Variants in RAB11FIP2 observed in about 807,000 individuals in gnomAD.
RAB11FIP2 encodes the protein rab11 family-interacting protein 2.
In RAB11FIP2, 16 loss-of-function variants were observed where a neutral mutation model predicts 40.9. The observed-to-expected ratio is 0.39, with a 90% CI of 0.26 to 0.59. The LOEUF (loss-of-function observed/expected upper bound fraction) is 0.59. Ranked by LOEUF, RAB11FIP2 falls within the 20% of genes least tolerant of loss-of-function variation. The pLI, the probability that RAB11FIP2 is intolerant of heterozygous loss-of-function variation, is 0.53. For synonymous variants in RAB11FIP2, 228 were observed against 213.7 expected (o/e 1.07, Z -0.58); for missense variants, 532 against 606.2 (o/e 0.88, Z 1.28).
chr10:118,022,243 TG>T, intron 3 of RAB11FIP2, among the ~76,000 whole-genome samples: 1 of 152,338 alleles, frequency 6.6e-6, no homozygotes, highest in South Asian at 2.1e-4. Context: ...TCATTTTTAC[TG>T]CTACCTTTCT....
chr10:118,035,540 T>C (rs778155810), intron 3 of RAB11FIP2, among the ~76,000 whole-genome samples: 4 of 152,168 alleles, frequency 2.6e-5, no homozygotes, highest in Non-Finnish European at 1.5e-5. Flanking sequence ...ACTGCTATAC[T>C]GTGTGCATTA....
In RAB11FIP2 at chr10:118,014,051, C is replaced by T. The variant is rs550382973; in HGVS notation, c.1311+1014G>A. 5.3e-5 allele frequency among the ~76,000 whole-genome samples: 8 copies of T among 152,144 alleles called. No homozygotes were observed. In the East Asian group the frequency reaches 7.7e-4, roughly 15 times the overall value. On this transcript the variant is annotated intron_variant, in intron 4 of 4. Coordinates refer to ENST00000355624, the MANE Select transcript of RAB11FIP2 (RefSeq NM_014904.3). ...AGAATTTATAAAACATCAAAACTTA[C>T]GAATCGTTTAAATAAAACAGCAAAA...
chr10:118,014,941 C>T, intron 4 of RAB11FIP2, 124 bp downstream of exon 4: 1 of 750,320 alleles, frequency 1.3e-6, no homozygotes, highest in Non-Finnish European at 2.2e-6. Flanking sequence ...AATTACTACG[C>T]TAAGCTACAA....
Position 118,040,155 on chromosome 10 carries a change from T to G in RAB11FIP2, c.764A>C (p.Gln255Pro). The G allele has an allele frequency of 1.9e-6, 3 of 1,613,718 alleles. No homozygotes were observed. Among genetic ancestry groups the G allele is most frequent in the Non-Finnish European group, 2.5e-6 (3 of 1,179,698 alleles). ...TIGQTHLLGHQLDSFGTVPES... is the reference protein window; with the variant it reads ...TIGQTHLLGHPLDSFGTVPES... ...TGGAACTGTTCCAAAGGAATCTAAC[T>G]GGTGTCCGAGAAGATGTGTTTGACC... Residue 255 changes from glutamine (Q) to proline (P), a missense_variant, in exon 2 of 5, where the codon CAG becomes CCG. By Grantham distance (76) the Gln-to-Pro change is moderately conservative (BLOSUM62 -1). Transcript: ENST00000355624.
rs1188944857 is a variant in RAB11FIP2, at chr10:118,006,920, A to G, written c.*2078T>C. The G allele has an allele frequency of 6.6e-6, 1 of 152,454 alleles. No individual in the cohort carries two copies. The highest frequency in any genetic ancestry group is 1.9e-4 in the East Asian group (1 of 5,200). 9.4% of individuals were successfully genotyped at this position (152,454 alleles called of 1,614,324 possible). On this transcript the variant is annotated 3_prime_UTR_variant, in exon 5 of 5. Transcript: ENST00000355624. The stretch of plus-strand genomic sequence containing the variant: ...TAAAAAGAAGAGCAGTACTTGAACC[A>G]TACTTTTAAATGAGTTCTATTTATG...
At chr10:118,033,027 T>C (rs1846433749) in intron 3 of RAB11FIP2, among the ~76,000 whole-genome samples, 1 of 152,074 alleles carries the variant, frequency 6.6e-6, no homozygotes, top group Non-Finnish European at 1.5e-5. Flanking sequence ...GTTACTCTCT[T>C]ACTGTGCCTA....
chr10:118,035,455 T>C (rs1046298322), intron 3 of RAB11FIP2, among the ~76,000 whole-genome samples: 4 of 152,232 alleles, frequency 2.6e-5, no homozygotes, highest in Middle Eastern at 3.4e-3. Flanking sequence ...TTCAGTCTAT[T>C]AGAAAGATCT....
intron 3 of RAB11FIP2, among the ~76,000 whole-genome samples, chr10:118,026,554 G>A (rs952203346): frequency 1.3e-5 from 2 of 152,128 alleles, no homozygotes; most frequent in African/African-American, 4.8e-5. Context: ...TTTTACCAAA[G>A]GGGACTGAAA....
intron 3 of RAB11FIP2, among the ~76,000 whole-genome samples, chr10:118,030,682 T>A (rs917722699): frequency 2.0e-5 from 3 of 151,750 alleles, no homozygotes; most frequent in African/African-American, 7.3e-5. Context: ...TCTTGCTATA[T>A]CTCAATCTCT....
At chr10:118,038,287 TATATAG>T (rs1452172742) in intron 3 of RAB11FIP2, among the ~76,000 whole-genome samples, 2 of 151,130 alleles carry the variant, frequency 1.3e-5, no homozygotes, top group Non-Finnish European at 3.0e-5. Context: ...TAAATTTAGA[TATATAG>T]ATATAATTTA....
chr10:118,022,359 C>T (rs1589641307), intron 3 of RAB11FIP2, among the ~76,000 whole-genome samples: 2 of 152,134 alleles, frequency 1.3e-5, no homozygotes, highest in Non-Finnish European at 2.9e-5. Context: ...CTGAATATGG[C>T]GTTCTCAAGC....
chr10:118,046,426 C>G lies in RAB11FIP2; in HGVS notation c.-263G>C. 1 of 434,604 alleles carries G rather than the reference C, an allele frequency of 2.3e-6. No homozygotes were observed. The highest frequency in any genetic ancestry group is 4.1e-6 in the Non-Finnish European group (1 of 243,356). The allele number at this position is 434,604 out of a possible 1,614,324, so 26.9% of individuals were successfully genotyped here. The stretch of plus-strand genomic sequence containing the variant: ...GCGCCGTGCAGGCCTCTGCGCGGAC[C>G]CCCGCCCCTGTCTCCACCTTCCCCA... On this transcript the variant is annotated 5_prime_UTR_variant, in exon 1 of 5. Transcript: ENST00000355624.
At chr10:118,024,160 A>G (rs926472482) in intron 3 of RAB11FIP2, among the ~76,000 whole-genome samples, 1 of 152,002 alleles carries the variant, frequency 6.6e-6, no homozygotes, top group Non-Finnish European at 1.5e-5. Context: ...ACAAATCTCA[A>G]CATAAAGCCT....
At chr10:118,036,429 G>T (rs1047156912) in intron 3 of RAB11FIP2, among the ~76,000 whole-genome samples, 1 of 152,110 alleles carries the variant, frequency 6.6e-6, no homozygotes, top group Non-Finnish European at 1.5e-5. Context: ...AAATGTCCCA[G>T]ATAGCTGAGG....
In RAB11FIP2 at chr10:118,046,599, C is replaced by G. The variant is rs972089556; in HGVS notation, c.-436G>C. The G allele has an allele frequency of 6.3e-6, 1 of 157,956 alleles. No homozygotes were observed. The highest frequency in any genetic ancestry group is 2.0e-4 in the South Asian group (1 of 4,988). 9.8% of individuals were successfully genotyped at this position (157,956 alleles called of 1,614,324 possible). On this transcript the variant is annotated 5_prime_UTR_variant, in exon 1 of 5. Coordinates refer to ENST00000355624, the MANE Select transcript of RAB11FIP2 (RefSeq NM_014904.3). ...CTCCGCTGCCTCCGCGCCTCCCGCC[C>G]GCCCGGCGTTCGTCCGCAGGCTCGG... is the stretch of plus-strand genomic sequence containing the variant.
rs1448110916 is a variant in RAB11FIP2, at chr10:118,008,847, C to A, written c.*151G>T. 6 of 650,368 alleles carry A rather than the reference C, an allele frequency of 9.2e-6. No individual in the cohort carries two copies. The highest frequency in any genetic ancestry group is 1.6e-5 in the Non-Finnish European group (6 of 378,412). 40.3% of individuals were successfully genotyped at this position (650,368 alleles called of 1,614,324 possible). A position where few individuals can be genotyped will look rare whatever the true frequency, so the allele number is the denominator to read the frequency against. On this transcript the variant is annotated 3_prime_UTR_variant, in exon 5 of 5. Coordinates refer to ENST00000355624, the MANE Select transcript of RAB11FIP2 (RefSeq NM_014904.3). Reference sequence around the variant, plus strand: ...CAAAGGTCACTCTTGATAGTCCCTGCTAATATTTACAGGTAAAACTACTCT... The same window carrying A: ...CAAAGGTCACTCTTGATAGTCCCTGATAATATTTACAGGTAAAACTACTCT...
intron 1 of RAB11FIP2, among the ~76,000 whole-genome samples, chr10:118,043,074 C>A (rs1357891971): frequency 6.6e-6 from 1 of 152,086 alleles, no homozygotes; most frequent in Non-Finnish European, 1.5e-5. Flanking sequence ...TGGATTTAAA[C>A]TGTACATGGC....
intron 3 of RAB11FIP2, among the ~76,000 whole-genome samples, chr10:118,016,922 A>G (rs139968445): frequency 6.6e-6 from 1 of 152,376 alleles, no homozygotes; most frequent in African/African-American, 2.4e-5. Flanking sequence ...TGTGACTACC[A>G]GATAGAACAT....
intron 3 of RAB11FIP2, among the ~76,000 whole-genome samples, chr10:118,026,531 A>C (rs893332543): frequency 3.3e-5 from 5 of 152,184 alleles, no homozygotes; most frequent in African/African-American, 1.2e-4. Context: ...GAATTTCCTA[A>C]GGCAAGTGCC....
Sources: allele counts gnomAD v4.1 joint callset (sites outside exome capture counted in the v4.1 genomes callset), GRCh38; gene constraint gnomAD v4.1.1; transcripts MANE v1.5; gene names NCBI Gene and HGNC (gene_info 2026-07-23, HGNC 2026-07-21).